CALN1: variants seen among roughly 807,000 people sequenced by gnomAD.
CALN1 encodes the protein calneuron 1.
In CALN1, 17 loss-of-function variants were observed where a neutral mutation model predicts 30.6. The observed-to-expected ratio is 0.56, with a 90% CI of 0.38 to 0.83. The LOEUF (loss-of-function observed/expected upper bound fraction) is 0.83. Among genes scored for constraint, CALN1 ranks in the 40% least tolerant of loss-of-function variants. The probability of loss-of-function intolerance (pLI) is 0.00; values close to 1 mark genes in which losing one functional copy is unlikely to be tolerated. For synonymous variants in CALN1, 156 were observed against 131.4 expected (o/e 1.19, Z -1.28); for missense variants, 291 against 354.9 (o/e 0.82, Z 1.45).
At chr7:72,306,932 A>G (rs1799696599) in intron 2 of CALN1, among the ~76,000 whole-genome samples, 2 of 152,166 alleles carry the variant, frequency 1.3e-5, no homozygotes, top group Non-Finnish European at 2.9e-5. Flanking sequence ...TGACACTCCC[A>G]AAACCCCATC....
intron 5 of CALN1, among the ~76,000 whole-genome samples, chr7:71,847,838 AAGGAGAAGG>A (rs1252830854): frequency 3.8e-4 from 40 of 106,086 alleles, no homozygotes; most frequent in African/African-American, 8.1e-4. Context: ...GGAGAAGGAG[AAGGAGAAGG>A]AGAAGAAGAA....
chr7:71,807,710 A>T (rs1483742196), intron 6 of CALN1, among the ~76,000 whole-genome samples: 1 of 151,810 alleles, frequency 6.6e-6, no homozygotes, highest in East Asian at 1.9e-4. Context: ...GATGCTGAGG[A>T]GGGGGAATCA....
At chr7:71,928,144 C>T (rs1279379983) in intron 5 of CALN1, among the ~76,000 whole-genome samples, 6 of 152,172 alleles carry the variant, frequency 3.9e-5, no homozygotes. Context: ...TCACCTCCTG[C>T]CCCATCACCA....
intron 5 of CALN1, among the ~76,000 whole-genome samples, chr7:71,828,805 G>T (rs1789088809): frequency 6.6e-6 from 1 of 151,722 alleles, no homozygotes; most frequent in Admixed American, 6.6e-5. Flanking sequence ...CTGCTGTGCA[G>T]TGGCATGATC....
At chr7:71,923,737 T>C (rs1446338874) in intron 5 of CALN1, among the ~76,000 whole-genome samples, 8 of 152,142 alleles carry the variant, frequency 5.3e-5, no homozygotes, top group Admixed American at 3.9e-4. Context: ...GATGCTCATA[T>C]CCTTCCTGGA....
intron 3 of CALN1, among the ~76,000 whole-genome samples, chr7:72,273,963 A>G (rs1797174747): frequency 6.6e-6 from 1 of 152,186 alleles, no homozygotes; most frequent in African/African-American, 2.4e-5. Context: ...CATCATCTGG[A>G]AGACGTAGAG....
At chr7:71,943,117 G>A (rs980329564) in intron 5 of CALN1, among the ~76,000 whole-genome samples, 5 of 141,744 alleles carry the variant, frequency 3.5e-5, no homozygotes, top group East Asian at 3.9e-4. Flanking sequence ...GGCACATGTC[G>A]CCAGGACCTC....
intron 2 of CALN1, among the ~76,000 whole-genome samples, chr7:72,396,819 TGA>T (rs1381997834): frequency 1.3e-5 from 2 of 152,208 alleles, no homozygotes; most frequent in African/African-American, 4.8e-5. Flanking sequence ...TGACTCACAC[TGA>T]GAACTTCGTT....
chr7:71,962,638 C>T (rs1797306764), intron 5 of CALN1, among the ~76,000 whole-genome samples: 1 of 152,172 alleles, frequency 6.6e-6, no homozygotes, highest in African/African-American at 2.4e-5. Context: ...ATTTCAAATT[C>T]CCCTAGAAAC....
the CALN1 span, among the ~76,000 whole-genome samples, chr7:72,472,424 C>T: frequency 1.3e-4 from 20 of 152,248 alleles, no homozygotes; most frequent in African/African-American, 4.8e-4. Flanking sequence ...TCATTCTCAC[C>T]TGCCCCCACC....
chr7:72,072,622 G>C (rs1285530147), intron 4 of CALN1, among the ~76,000 whole-genome samples: 1 of 152,100 alleles, frequency 6.6e-6, no homozygotes, highest in African/African-American at 2.4e-5. Context: ...ATAAAATCTA[G>C]TATTATTGTA....
chr7:72,408,011 T>C (rs1481922092), intron 1 of CALN1, among the ~76,000 whole-genome samples: 2 of 152,172 alleles, frequency 1.3e-5, no homozygotes, highest in African/African-American at 2.4e-5. Flanking sequence ...GCACTAGGTA[T>C]GCAAATATGC....
chr7:71,815,710 C>T (rs1295640770), intron 5 of CALN1, among the ~76,000 whole-genome samples: 2 of 151,586 alleles, frequency 1.3e-5, no homozygotes, highest in African/African-American at 4.8e-5. Context: ...CCCTGCCTCC[C>T]TTCCATCCTT....
At chr7:72,152,293 A>C (rs1429001919) in intron 3 of CALN1, among the ~76,000 whole-genome samples, 1 of 152,154 alleles carries the variant, frequency 6.6e-6, no homozygotes, top group East Asian at 1.9e-4. Context: ...CTGTGAAAAC[A>C]AAACAAAACA....
At chr7:71,833,143 G>C (rs1253522831) in intron 5 of CALN1, among the ~76,000 whole-genome samples, 2 of 152,146 alleles carry the variant, frequency 1.3e-5, no homozygotes, top group African/African-American at 4.8e-5. Context: ...AAGCCTCCTA[G>C]AGTTCTAGGG....
intron 6 of CALN1, among the ~76,000 whole-genome samples, chr7:71,790,591 A>G (rs1455484704): frequency 6.6e-6 from 1 of 152,148 alleles, no homozygotes; most frequent in Admixed American, 6.5e-5. Flanking sequence ...GGTTCCCCAG[A>G]TAGCTTAGAG....
rs1792970561 is a variant in CALN1 at position 71,786,157 on chromosome 7, G to C, written c.*1618C>G. 6.6e-6 allele frequency: 1 copy of C among 152,342 alleles called. No individual in the cohort carries two copies. Among genetic ancestry groups the C allele is most frequent in the Non-Finnish European group, 1.5e-5 (1 of 68,080 alleles). The allele number at this position is 152,342 out of a possible 1,614,324, so 9.4% of individuals were successfully genotyped here. On this transcript the variant is annotated 3_prime_UTR_variant, in exon 7 of 7. Coordinates refer to ENST00000395275, the MANE Select transcript of CALN1 (RefSeq NM_031468.4). ...CTGAAAAGGCAGTAGGGAGAAAGCT[G>C]AGCAGGAAGACAGGGAGGGAGATCA...
chr7:71,815,590 CTG>C (rs1562804368), intron 5 of CALN1, among the ~76,000 whole-genome samples: 2 of 152,152 alleles, frequency 1.3e-5, no homozygotes, highest in Admixed American at 6.5e-5. Flanking sequence ...TGCTAAGACT[CTG>C]TGGTTTCTGC....
chr7:71,921,119 C>CT (rs1420154669), intron 5 of CALN1, among the ~76,000 whole-genome samples: 15 of 152,166 alleles, frequency 9.9e-5, no homozygotes, highest in African/African-American at 3.6e-4. Flanking sequence ...AGACCAAACA[C>CT]CACATACTCT....
Sources: allele counts gnomAD v4.1 joint callset (sites outside exome capture counted in the v4.1 genomes callset), GRCh38; gene constraint gnomAD v4.1.1; transcripts MANE v1.5; gene names NCBI Gene and HGNC (gene_info 2026-07-23, HGNC 2026-07-21).